The following AUH variants were observed in gnomAD, a reference collection of about 807,000 sequenced individuals.
The protein encoded by AUH is methylglutaconyl-CoA hydratase, mitochondrial.
Under a neutral mutation model 42.3 loss-of-function variants are expected in AUH, and 29 were observed. That is an observed-to-expected ratio of 0.69 (90% confidence interval 0.51 to 0.93). AUH has a LOEUF of 0.93. Ranked by LOEUF, AUH falls within the 40% of genes least tolerant of loss-of-function variation. The pLI is 0.00. For missense variants in AUH, 452 were observed against 438.1 expected (o/e 1.03, Z -0.28); for synonymous variants, 174 against 166.4 (o/e 1.05, Z -0.35).
chr9:91,268,457 GTCT>G (rs1824831396), intron 6 of AUH, among the ~76,000 whole-genome samples: 1 of 151,686 alleles, frequency 6.6e-6, no homozygotes, highest in African/African-American at 2.4e-5. Flanking sequence ...AAGAGACGGA[GTCT>G]CACTCTGCTG....
chr9:91,237,444 T>C (rs1484878659), intron 6 of AUH, among the ~76,000 whole-genome samples: 1 of 152,260 alleles, frequency 6.6e-6, no homozygotes, highest in Non-Finnish European at 1.5e-5. Flanking sequence ...TATCTTTGTT[T>C]CTTTTGCTTG....
At chr9:91,218,175 T>C (rs1411360465) in intron 7 of AUH, among the ~76,000 whole-genome samples, 1 of 152,252 alleles carries the variant, frequency 6.6e-6, no homozygotes, top group East Asian at 1.9e-4. Flanking sequence ...GATAAATGCA[T>C]GAAAAGACAT....
chr9:91,270,963 C>T (rs1825076006), intron 6 of AUH, among the ~76,000 whole-genome samples: 1 of 152,046 alleles, frequency 6.6e-6, no homozygotes, highest in Non-Finnish European at 1.5e-5. Context: ...TATAAAAATA[C>T]TAATGCATGA....
chr9:91,248,633 C>A (rs1564028439), intron 6 of AUH, among the ~76,000 whole-genome samples: 1 of 152,102 alleles, frequency 6.6e-6, no homozygotes, highest in Non-Finnish European at 1.5e-5. Flanking sequence ...CAGTTTTTGT[C>A]CTCACTGTTT....
chr9:91,276,346 C>T (rs1825542117), intron 6 of AUH, among the ~76,000 whole-genome samples: 1 of 151,244 alleles, frequency 6.6e-6, no homozygotes, highest in Admixed American at 6.6e-5. Context: ...CACAAGAATC[C>T]ACTGAACCCC....
intron 4 of AUH, among the ~76,000 whole-genome samples, chr9:91,310,553 A>G (rs1828623670): frequency 6.6e-6 from 1 of 152,258 alleles, no homozygotes; most frequent in Admixed American, 6.5e-5. Context: ...TTCCACATCA[A>G]GAGATCAAGA....
At chr9:91,352,832 T>G (rs1490210189) in intron 3 of AUH, among the ~76,000 whole-genome samples, 1 of 152,180 alleles carries the variant, frequency 6.6e-6, no homozygotes, top group Admixed American at 6.5e-5. Context: ...GCTGAGTCCC[T>G]GTTGTTTGCT....
At chr9:91,322,010 A>C (rs1403003136) in intron 4 of AUH, among the ~76,000 whole-genome samples, 2 of 152,196 alleles carry the variant, frequency 1.3e-5, no homozygotes, top group East Asian at 3.8e-4. Context: ...TTCTATTAAG[A>C]TACTATTAAG....
At chr9:91,357,592 C>T (rs2132094527) in intron 1 of AUH, 1 of 752,234 alleles carries the variant, frequency 1.3e-6, no homozygotes, top group Non-Finnish European at 1.6e-6. Flanking sequence ...ATTCAAACTG[C>T]TTTACAAGCT....
At chr9:91,247,186 C>T (rs1828844670) in intron 6 of AUH, among the ~76,000 whole-genome samples, 1 of 152,156 alleles carries the variant, frequency 6.6e-6, no homozygotes, top group Admixed American at 6.5e-5. Context: ...CACTGCATCA[C>T]CCTTTTAACC....
At chr9:91,318,874 T>C (rs1668115399) in intron 4 of AUH, among the ~76,000 whole-genome samples, 1 of 152,328 alleles carries the variant, frequency 6.6e-6, no homozygotes, top group South Asian at 2.1e-4. Flanking sequence ...ACTTTCCCCC[T>C]TGCTGGCAAC....
chr9:91,216,022 G>A (rs538154321), intron 9 of AUH, 37 bp downstream of exon 9: 1 of 1,574,316 alleles, frequency 6.4e-7, no homozygotes, highest in Admixed American at 1.7e-5. Flanking sequence ...TAATTTGTAA[G>A]GGTCATCCTC....
At chr9:91,353,933 G>A (rs1169668143) in intron 3 of AUH, among the ~76,000 whole-genome samples, 5 of 151,414 alleles carry the variant, frequency 3.3e-5, no homozygotes, top group Non-Finnish European at 5.9e-5. Context: ...TTGGGATGCC[G>A]AGGCAGGTGG....
chr9:91,290,000 G>A (rs573777891), intron 6 of AUH, among the ~76,000 whole-genome samples: 14 of 152,008 alleles, frequency 9.2e-5, no homozygotes, highest in East Asian at 3.9e-4. Flanking sequence ...TATTAATAAC[G>A]AAAATGAATC....
At chr9:91,215,940 G>T in intron 9 of AUH, 119 bp downstream of exon 9, 1 of 1,036,838 alleles carries the variant, frequency 9.6e-7, no homozygotes, top group Non-Finnish European at 1.5e-6. Flanking sequence ...CAACCCATTT[G>T]TATGATTTTG....
chr9:91,361,527 A>C (rs1832851858), intron 1 of AUH, 101 bp downstream of exon 1: 7 of 1,482,198 alleles, frequency 4.7e-6, no homozygotes, highest in Non-Finnish European at 5.4e-6. Flanking sequence ...CGCCTGCCTG[A>C]CCTCGACCCC....
chr9:91,261,995 G>C (rs1829731293), intron 6 of AUH, among the ~76,000 whole-genome samples: 1 of 152,038 alleles, frequency 6.6e-6, no homozygotes, highest in Non-Finnish European at 1.5e-5. Context: ...AAAATGACTA[G>C]AAAGTTACTG....
chr9:91,253,924 T>C (rs1250451206), intron 6 of AUH, among the ~76,000 whole-genome samples: 1 of 152,228 alleles, frequency 6.6e-6, no homozygotes, highest in Non-Finnish European at 1.5e-5. Context: ...TATAAATATG[T>C]TGTGAAAAAA....
chr9:91,343,116 T>C (rs978128802), intron 3 of AUH: 8 of 152,154 alleles, frequency 5.3e-5, no homozygotes, highest in Non-Finnish European at 7.3e-5. Flanking sequence ...AGTAGACTAT[T>C]AGTAGTTCAG....
Sources: allele counts gnomAD v4.1 joint callset (sites outside exome capture counted in the v4.1 genomes callset), GRCh38; gene constraint gnomAD v4.1.1; transcripts MANE v1.5; gene names NCBI Gene and HGNC (gene_info 2026-07-23, HGNC 2026-07-21).